The following RNF217 variants were observed in gnomAD, a reference collection of about 807,000 sequenced individuals.
RNF217 encodes the protein ring finger protein 217, also known as E3 ubiquitin-protein ligase RNF217.
RNF217 carries 31 observed loss-of-function variants against 57.8 expected under a neutral mutation model. The observed-to-expected ratio is 0.54, with a 90% CI of 0.40 to 0.72. The LOEUF (loss-of-function observed/expected upper bound fraction) is 0.72. Ranked by LOEUF, RNF217 falls within the 30% of genes least tolerant of loss-of-function variation. The probability of loss-of-function intolerance (pLI) is 0.00; values close to 1 mark genes in which losing one functional copy is unlikely to be tolerated. For synonymous variants in RNF217, 313 were observed against 294.0 expected (o/e 1.06, Z -0.66); for missense variants, 696 against 708.3 (o/e 0.98, Z 0.20).
intron 1 of RNF217, among the ~76,000 whole-genome samples, chr6:125,043,322 TTTG>T (rs1396844990): frequency 3.9e-5 from 6 of 152,000 alleles, no homozygotes; most frequent in Non-Finnish European, 8.8e-5. Flanking sequence ...CTCACTTTTG[TTTG>T]GCTAAATCCT....
intron 3 of RNF217, among the ~76,000 whole-genome samples, chr6:125,067,423 A>C (rs184536707): frequency 6.6e-6 from 1 of 152,132 alleles, no homozygotes; most frequent in East Asian, 1.9e-4. Flanking sequence ...AATAATGACA[A>C]TATGAACTAG....
intron 3 of RNF217, 107 bp from the exon 4 acceptor site, chr6:125,076,550 C>G (rs1788379689): frequency 1.4e-6 from 1 of 700,240 alleles, no homozygotes; most frequent in Non-Finnish European, 2.5e-6. Context: ...CTGTGAGAGA[C>G]TTTTATTTTG....
At chr6:124,985,944 G>A (rs1008100928) in intron 1 of RNF217, among the ~76,000 whole-genome samples, 7 of 152,084 alleles carry the variant, frequency 4.6e-5, no homozygotes, top group African/African-American at 1.4e-4. Context: ...GCAAAGATCT[G>A]AATGTTTGTT....
At chr6:125,009,494 G>C in intron 1 of RNF217, 1 of 471,400 alleles carries the variant, frequency 2.1e-6, no homozygotes, top group Non-Finnish European at 3.8e-6. Context: ...GAAAAACAGA[G>C]ACTATTTACC....
In RNF217 at chr6:124,963,055, A is replaced by G; in HGVS notation, c.511A>G (p.Ser171Gly). 3 of 1,574,506 alleles carry G rather than the reference A, an allele frequency of 1.9e-6. No homozygotes were observed. Among genetic ancestry groups the G allele is most frequent in the Non-Finnish European group, 1.7e-6 (2 of 1,168,590 alleles). Residue 171 changes from serine (S) to glycine (G), a missense_variant, in exon 1 of 6, where the codon AGC becomes GGC. Ser to Gly is a moderately conservative substitution (Grantham distance 56, BLOSUM62 0). Around this residue, in one of 2 missense-constraint regions of RNF217, gnomAD observed 465 missense variants for 386.8 expected, o/e 1.20. Transcript: ENST00000521654. The stretch of plus-strand genomic sequence containing the variant: ...CTTCTGCTCCGTGTACTGCGTGGAG[A>G]GCGACCTGCCCGAGGCCCCCGCCTC... ...QVFCSVYCVE[S>G]DLPEAPASEQ...
intron 1 of RNF217, among the ~76,000 whole-genome samples, chr6:124,992,511 A>C (rs1027972512): frequency 6.6e-6 from 1 of 152,132 alleles, no homozygotes; most frequent in African/African-American, 2.4e-5. Flanking sequence ...GCTAACATCT[A>C]TAGCAAGATA....
At chr6:125,044,164 T>C (rs1786998257) in intron 1 of RNF217, among the ~76,000 whole-genome samples, 1 of 151,998 alleles carries the variant, frequency 6.6e-6, no homozygotes, top group African/African-American at 2.4e-5. Context: ...CTACTCCAAG[T>C]GCGCATGTTT....
Position 124,962,452 on chromosome 6 carries a change from A to T in RNF217, c.-93A>T. 2.3e-6 allele frequency: 1 copy of T among 430,198 alleles called. No homozygotes were observed. The highest frequency in any genetic ancestry group is 3.4e-6 in the Non-Finnish European group (1 of 297,590). 26.6% of individuals were successfully genotyped at this position (430,198 alleles called of 1,614,324 possible). A position where few individuals can be genotyped will look rare whatever the true frequency, so the allele number is the denominator to read the frequency against. ...ACCCGGAAGCAGAAGCGGAGCCGCG[A>T]GTCGAGCCGAGCCACTGCCCCCGCT... is the stretch of plus-strand genomic sequence containing the variant. On this transcript the variant is annotated 5_prime_UTR_variant, in exon 1 of 6. Transcript: ENST00000521654. The surrounding 1 kb of genome is among the most constrained non-coding windows in gnomAD (Gnocchi z 4.6).
intron 1 of RNF217, among the ~76,000 whole-genome samples, chr6:125,007,269 G>A (rs1785224565): frequency 1.3e-5 from 2 of 148,176 alleles, no homozygotes; most frequent in Admixed American, 1.4e-4. Context: ...TTTTGAGATG[G>A]AGTTTCCCTC....
intron 1 of RNF217, among the ~76,000 whole-genome samples, chr6:125,010,015 G>A (rs1219387390): frequency 2.1e-5 from 3 of 145,758 alleles, no homozygotes; most frequent in Non-Finnish European, 3.0e-5. Context: ...AAATCTGAGG[G>A]TCAGACAGGT....
At position 124,991,602 on chromosome 6, in the gene RNF217, G is replaced by C. The variant is rs376582435; in HGVS notation, c.882+28176G>C. Among the ~76,000 whole-genome samples, 3 of 152,134 alleles carry C rather than the reference G, an allele frequency of 2.0e-5. No homozygotes were observed. In the East Asian group the frequency reaches 5.8e-4, roughly 29 times the overall value. On this transcript the variant is annotated intron_variant, in intron 1 of 5. Coordinates refer to ENST00000521654, the MANE Select transcript of RNF217 (RefSeq NM_001286398.3). Reference sequence around the variant, plus strand: ...GATAAGAATTTTGTTTGGTTTTGTTGATTCATGAGGCCTGAGTGCTTGACA... The same window carrying C: ...GATAAGAATTTTGTTTGGTTTTGTTCATTCATGAGGCCTGAGTGCTTGACA...
At chr6:125,044,893 C>T (rs1787036225) in intron 1 of RNF217, among the ~76,000 whole-genome samples, 1 of 152,060 alleles carries the variant, frequency 6.6e-6, no homozygotes, top group Non-Finnish European at 1.5e-5. Flanking sequence ...TGCTGTCTAA[C>T]CCTGCAGTTT....
At chr6:125,064,139 C>T (rs1387172695) in intron 3 of RNF217, among the ~76,000 whole-genome samples, 1 of 152,128 alleles carries the variant, frequency 6.6e-6, no homozygotes, top group African/African-American at 2.4e-5. Context: ...TACAAAAGCA[C>T]ATTCAGAGGC....
chr6:125,091,078 T>A lies in RNF217; in HGVS notation c.*8141T>A, dbSNP rs1193706308. 6.6e-6 allele frequency: 1 copy of A among 152,060 alleles called. No individual in the cohort carries two copies. The highest frequency in any genetic ancestry group is 1.5e-5 in the Non-Finnish European group (1 of 67,912). 9.4% of individuals were successfully genotyped at this position (152,060 alleles called of 1,614,324 possible). A position where few individuals can be genotyped will look rare whatever the true frequency, so the allele number is the denominator to read the frequency against. On this transcript the variant is annotated 3_prime_UTR_variant, in exon 6 of 6. Coordinates refer to ENST00000521654, the MANE Select transcript of RNF217 (RefSeq NM_001286398.3). The stretch of plus-strand genomic sequence containing the variant: ...TAATTTCTTACACTTTTTAGAGCAA[T>A]CAACTTATTTCCAAATTATTATTTC...
rs1788682225 is a variant in RNF217, at chr6:125,083,619, C to G, written c.*682C>G. On this transcript the variant is annotated 3_prime_UTR_variant, in exon 6 of 6. Coordinates refer to ENST00000521654, the MANE Select transcript of RNF217 (RefSeq NM_001286398.3). ...CTTGTACTTACCCAGTTCCATGCCG[C>G]TACACTATTTTTCCACATTTTCATA... 1 of 152,002 alleles carries G rather than the reference C, an allele frequency of 6.6e-6. No homozygotes were observed. The highest frequency in any genetic ancestry group is 2.4e-5 in the African/African-American group (1 of 41,406). 9.4% of individuals were successfully genotyped at this position (152,002 alleles called of 1,614,324 possible).
intron 1 of RNF217, among the ~76,000 whole-genome samples, chr6:125,024,508 A>G (rs1345230965): frequency 6.6e-6 from 1 of 151,964 alleles, no homozygotes; most frequent in Non-Finnish European, 1.5e-5. Flanking sequence ...ACCTGAGCTC[A>G]GGAGTTCGAG....
chr6:124,994,561 C>T (rs1192117844), intron 1 of RNF217, among the ~76,000 whole-genome samples: 1 of 152,078 alleles, frequency 6.6e-6, no homozygotes. Flanking sequence ...TCTGTTTTCT[C>T]CCATACACAG....
At chr6:124,992,447 T>C (rs1266743939) in intron 1 of RNF217, among the ~76,000 whole-genome samples, 1 of 152,140 alleles carries the variant, frequency 6.6e-6, no homozygotes, top group African/African-American at 2.4e-5. Context: ...GTACTTGACA[T>C]AGGCTGGTTT....
At chr6:125,030,672 G>A (rs1786314087) in intron 1 of RNF217, among the ~76,000 whole-genome samples, 1 of 152,160 alleles carries the variant, frequency 6.6e-6, no homozygotes. Context: ...ATGGTCTTGG[G>A]CAGTTCTGCA....
Sources: allele counts gnomAD v4.1 joint callset (sites outside exome capture counted in the v4.1 genomes callset), GRCh38; gene constraint gnomAD v4.1.1; regional missense constraint gnomAD v4.1.1; non-coding constraint Gnocchi (gnomAD v3.1); transcripts MANE v1.5; gene names NCBI Gene and HGNC (gene_info 2026-07-23, HGNC 2026-07-21).